VPS33B: variants seen among roughly 807,000 people sequenced by gnomAD.
The protein encoded by VPS33B is VPS33B late endosome and lysosome associated, also known as vacuolar protein sorting-associated protein 33B.
In VPS33B, 80 loss-of-function variants were observed where a neutral mutation model predicts 95.3. The observed-to-expected ratio is 0.84, with a 90% CI of 0.70 to 1.01. The LOEUF is 1.01. Among genes scored for constraint, VPS33B ranks in the 50% least tolerant of loss-of-function variants. VPS33B has a pLI of 0.00. For missense variants in VPS33B, 715 were observed against 773.4 expected, an observed-to-expected ratio of 0.92 and a Z score of 0.90; for synonymous variants, 280 against 280.4, an observed-to-expected ratio of 1.00 and a Z score of 0.01.
chr15:91,019,809 ATT>A (rs5814457), intron 1 of VPS33B, among the ~76,000 whole-genome samples: 2 of 148,148 alleles, frequency 1.3e-5, no homozygotes, highest in Non-Finnish European at 3.0e-5. Flanking sequence ...GTGTAATATA[ATT>A]TTTTTTTTTT....
chr15:91,012,103 A>C lies in VPS33B; in HGVS notation c.357+1701T>G, dbSNP rs57967757. 8.4e-3 allele frequency among the ~76,000 whole-genome samples: 1,275 copies of C among 152,272 alleles called. 24 individuals are homozygous for C. The highest frequency in any genetic ancestry group is 0.029 in the African/African-American group (1,204 of 41,532). On this transcript the variant is annotated intron_variant, in intron 5 of 22. Coordinates refer to ENST00000333371, the MANE Select transcript of VPS33B (RefSeq NM_018668.5). Reference sequence around the variant, plus strand: ...AAAAAAGGTTTGTAAGAGTCCAAGAACTAGAAATTATTGCCATGACTCCTT... The same window carrying C: ...AAAAAAGGTTTGTAAGAGTCCAAGACCTAGAAATTATTGCCATGACTCCTT...
rs775935340 is a variant in VPS33B, at chr15:90,999,656, C to T, written c.1774+21G>A. On this transcript the variant is annotated intron_variant, in intron 22 of 22. Coordinates refer to ENST00000333371, the MANE Select transcript of VPS33B (RefSeq NM_018668.5). This position sits in a 1 kb window ranked among gnomAD's most constrained non-coding sequence, Gnocchi z 5.1. ...CCCAGATACAATGCAGGCCAATTCT[C>T]ACCTTTCTGCTCTCTCTTACCTTTC... The T allele has an allele frequency of 1.1e-4, 180 of 1,612,678 alleles. No homozygotes were observed. Among genetic ancestry groups the T allele is most frequent in the Non-Finnish European group, 1.5e-4 (175 of 1,178,926 alleles).
In VPS33B at chr15:91,007,124, C is replaced by G; in HGVS notation, c.604-78G>C. On this transcript the variant is annotated intron_variant, in intron 8 of 22. Transcript: ENST00000333371. This position sits in a 1 kb window ranked among gnomAD's most constrained non-coding sequence, Gnocchi z 5.3. Reference sequence around the variant, plus strand: ...CCATACCTACAGAAGTCAGCCCTTTCCACGTGATACTTCCTCTTGTCCCCG... The same window carrying G: ...CCATACCTACAGAAGTCAGCCCTTTGCACGTGATACTTCCTCTTGTCCCCG... 6.9e-7 allele frequency: 1 copy of G among 1,456,414 alleles called. No homozygotes were observed. Among genetic ancestry groups the G allele is most frequent in the South Asian group, 1.1e-5 (1 of 87,974 alleles). The allele number at this position is 1,456,414 out of a possible 1,614,324, so 90.2% of individuals were successfully genotyped here.
Position 91,000,307 on chromosome 15 carries a change from G to T in VPS33B, c.1581+183C>A, listed in dbSNP as rs145424987. Among the ~76,000 whole-genome samples, 896 of 152,226 alleles carry T rather than the reference G, an allele frequency of 5.9e-3. 7 individuals are homozygous for T. Among genetic ancestry groups the T allele is most frequent in the Middle Eastern group, 0.024 (7 of 294 alleles). The stretch of plus-strand genomic sequence containing the variant: ...AGCTACTTCGGAAGCTGAGGCAGGA[G>T]AATCACTTGAATCTGGGAGGTGGAG... On this transcript the variant is annotated intron_variant, in intron 20 of 22. Transcript: ENST00000333371. The surrounding 1 kb of genome is among the most constrained non-coding windows in gnomAD (Gnocchi z 4.9).
Position 91,014,431 on chromosome 15 carries a change from A to G in VPS33B, c.242T>C (p.Leu81Ser). Reference protein sequence around the residue: ...NKPALSSNEQLCFLVRPRIKN... With the variant: ...NKPALSSNEQSCFLVRPRIKN... ...GATGCGGGGTCTGACCAAGAAGCACAATCTATGAGAGAGAAAGAAAAAAAA... is the reference window on the plus strand; with the variant it reads ...GATGCGGGGTCTGACCAAGAAGCACGATCTATGAGAGAGAAAGAAAAAAAA... Residue 81 changes from leucine (L) to serine (S), a missense_variant and splice_region_variant, in exon 4 of 23, where the codon TTG becomes TCG. Leu to Ser is a moderately radical substitution (Grantham distance 145). Transcript: ENST00000333371. The G allele has an allele frequency of 1.9e-6, 3 of 1,612,634 alleles. No individual in the cohort carries two copies. Among genetic ancestry groups the G allele is most frequent in the Non-Finnish European group, 2.5e-6 (3 of 1,179,588 alleles).
rs2040387093 is a variant in VPS33B at position 90,999,936 on chromosome 15, C to T, written c.1621G>A (p.Val541Ile). The T allele has an allele frequency of 6.2e-7, 1 of 1,614,232 alleles. No individual in the cohort carries two copies. The highest frequency in any genetic ancestry group is 1.3e-5 in the African/African-American group (1 of 75,060). ...AAGTCACTGCAGTTGAGCAGCCGTA[C>T]CACCTCATCAAGGCCCTGCCAGCTT... The part of the protein sequence containing the change: ...RRSWQGLDEV[V>I]RLLNCSDFAF... Residue 541 changes from valine to isoleucine, a missense_variant, in exon 21 of 23, where the codon GTA becomes ATA. Physicochemically the swap from Val to Ile is conservative, Grantham distance 29. Coordinates refer to ENST00000333371, the MANE Select transcript of VPS33B (RefSeq NM_018668.5). The surrounding 1 kb of genome is among the most constrained non-coding windows in gnomAD (Gnocchi z 5.1).
At chr15:91,003,044 C>T in intron 17 of VPS33B, 41 bp downstream of exon 17, 1 of 1,611,066 alleles carries the variant, frequency 6.2e-7, no homozygotes. Flanking sequence ...AATAACTGCC[C>T]TCCATCAAGT....
Position 90,998,793 on chromosome 15 carries a change from A to ACT in VPS33B, c.*181_*182insAG. 1 of 717,788 alleles carries ACT rather than the reference A, an allele frequency of 1.4e-6. No homozygotes were observed. 44.5% of individuals were successfully genotyped at this position (717,788 alleles called of 1,614,324 possible). A position where few individuals can be genotyped will look rare whatever the true frequency, so the allele number is the denominator to read the frequency against. ...TACTTCATAAACAGAAAAGAGAAAT[A>ACT]TCCTGGGAGCAGGAAGTGAACTCTT... On this transcript the variant is annotated 3_prime_UTR_variant, in exon 23 of 23. Coordinates refer to ENST00000333371, the MANE Select transcript of VPS33B (RefSeq NM_018668.5). The surrounding 1 kb of genome is among the most constrained non-coding windows in gnomAD (Gnocchi z 4.8).
chr15:91,014,354 C>T (rs1169612426), intron 4 of VPS33B, 30 bp downstream of exon 4: 3 of 1,613,662 alleles, frequency 1.9e-6, no homozygotes, highest in Middle Eastern at 1.7e-4. Flanking sequence ...CCCTTTCCCA[C>T]AGTTACACAT....
chr15:91,000,552 G>C lies in VPS33B; in HGVS notation c.1519C>G (p.Arg507Gly), dbSNP rs773306000. ...CCACCGAAGACGTAAGCCATGTCTC[G>C]GGGCACTTTCAGATCATACTCGCCG... ...VDGEYDLKVP[R>G]DMAYVFGGAY... The change falls in exon 20 of 23, where the codon CGA becomes GGA. Residue 507 changes from arginine (R) to glycine (G), a missense_variant. Coordinates refer to ENST00000333371, the MANE Select transcript of VPS33B (RefSeq NM_018668.5). This position sits in a 1 kb window ranked among gnomAD's most constrained non-coding sequence, Gnocchi z 4.9. The C allele has an allele frequency of 2.0e-5, 32 of 1,613,348 alleles. No individual in the cohort carries two copies. Among genetic ancestry groups the C allele is most frequent in the Non-Finnish European group, 2.4e-5 (28 of 1,179,628 alleles).
chr15:91,020,576 G>C (rs1041465762), intron 1 of VPS33B, among the ~76,000 whole-genome samples: 1 of 152,066 alleles, frequency 6.6e-6, no homozygotes, highest in African/African-American at 2.4e-5. Context: ...CACTGTGCAA[G>C]CACTAAGTAT....
At position 91,003,933 on chromosome 15, in the gene VPS33B, G is replaced by C. The variant is rs982596960; in HGVS notation, c.1226-802C>G. 3.3e-5 allele frequency among the ~76,000 whole-genome samples: 5 copies of C among 152,236 alleles called. No homozygotes were observed. The South Asian group carries it at 1.0e-3, about 32-fold the overall frequency. ...AAGCAAATACTTCTCTGAGTAGAAA[G>C]CAACCTTTGGCCGGGCACAGTAGCT... is the stretch of plus-strand genomic sequence containing the variant. On this transcript the variant is annotated intron_variant, in intron 16 of 22. Coordinates refer to ENST00000333371, the MANE Select transcript of VPS33B (RefSeq NM_018668.5).
intron 1 of VPS33B, among the ~76,000 whole-genome samples, chr15:91,021,055 CA>C (rs147058950): frequency 0.029 from 4,397 of 152,174 alleles, 89 homozygotes; most frequent in Non-Finnish European, 0.043. Context: ...CATCCAAACC[CA>C]AACAAATCAA....
In VPS33B at chr15:91,006,432, A is replaced by G. The variant is rs2040606757; in HGVS notation, c.792T>C (p.Phe264=). The G allele has an allele frequency of 6.2e-7, 1 of 1,614,198 alleles. No individual in the cohort carries two copies. Among genetic ancestry groups the G allele is most frequent in the Non-Finnish European group, 8.5e-7 (1 of 1,180,036 alleles). ...TFRIKCGSVD[F]GPEVTSSDKS... ...TGTCAGAGGATGTGACTTCTGGGCC[A>G]AAGTCGACACTCCCTTTGAGAGCAG... Residue 264 remains phenylalanine, a synonymous_variant, in exon 11 of 23, where the codon TTT becomes TTC. Coordinates refer to ENST00000333371, the MANE Select transcript of VPS33B (RefSeq NM_018668.5). This position sits in a 1 kb window ranked among gnomAD's most constrained non-coding sequence, Gnocchi z 5.4.
chr15:91,014,143 CA>C (rs1456002602), intron 4 of VPS33B, among the ~76,000 whole-genome samples: 1 of 148,842 alleles, frequency 6.7e-6, no homozygotes, highest in East Asian at 2.0e-4. Flanking sequence ...CGCTTGAACC[CA>C]GGAGGCGGAG....
chr15:91,017,367 A>AAAATAT (rs2040962088), intron 2 of VPS33B, among the ~76,000 whole-genome samples: 1 of 15,850 alleles, frequency 6.3e-5, no homozygotes, highest in African/African-American at 2.1e-4. Context: ...TACAAAATTA[A>AAAATAT]ATATATATAT....
In VPS33B at chr15:91,007,228, A is replaced by G. The variant is rs1056927395; in HGVS notation, c.604-182T>C. The stretch of plus-strand genomic sequence containing the variant: ...TCTTTCCCCAACACTCTTCCTACTG[A>G]TGAGAAGATGTGTTACTCTGTCCCC... On this transcript the variant is annotated intron_variant, in intron 8 of 22. Transcript: ENST00000333371. This position sits in a 1 kb window ranked among gnomAD's most constrained non-coding sequence, Gnocchi z 5.3. Among the ~76,000 whole-genome samples, 14 of 152,108 alleles carry G rather than the reference A, an allele frequency of 9.2e-5. No individual in the cohort carries two copies. The highest frequency in any genetic ancestry group is 2.0e-4 in the Admixed American group (3 of 15,274).
chr15:91,007,758 C>T lies in VPS33B; in HGVS notation c.498+112G>A, dbSNP rs1335734692. 6 of 1,210,224 alleles carry T rather than the reference C, an allele frequency of 5.0e-6. No homozygotes were observed. In the African/African-American group the frequency reaches 7.5e-5, roughly 15 times the overall value. 75.0% of individuals were successfully genotyped at this position (1,210,224 alleles called of 1,614,324 possible). A position where few individuals can be genotyped will look rare whatever the true frequency, so the allele number is the denominator to read the frequency against. ...GCACTCAATCACCACATCACTATCA[C>T]TTGTGATAAATTACTTGCGTTGGAC... On this transcript the variant is annotated intron_variant, in intron 7 of 22. Transcript: ENST00000333371. The surrounding 1 kb of genome is among the most constrained non-coding windows in gnomAD (Gnocchi z 5.3).
rs1182175990 is a variant in VPS33B at position 91,015,225 on chromosome 15, A to T, written c.240-792T>A. 6.6e-6 allele frequency among the ~76,000 whole-genome samples: 1 copy of T among 152,058 alleles called. No individual in the cohort carries two copies. Among genetic ancestry groups the T allele is most frequent in the East Asian group, 1.9e-4 (1 of 5,204 alleles). On this transcript the variant is annotated intron_variant, in intron 3 of 22. Coordinates refer to ENST00000333371, the MANE Select transcript of VPS33B (RefSeq NM_018668.5). The surrounding 1 kb of genome is among the most constrained non-coding windows in gnomAD (Gnocchi z 4.7). ...GTGGCGCATGTCTGTAATCCCAGCT[A>T]CGCAGGAGGCTGAGGCAGGAGAATC...
Sources: allele counts gnomAD v4.1 joint callset (sites outside exome capture counted in the v4.1 genomes callset), GRCh38; gene constraint gnomAD v4.1.1; non-coding constraint Gnocchi (gnomAD v3.1); transcripts MANE v1.5; gene names NCBI Gene and HGNC (gene_info 2026-07-23, HGNC 2026-07-21).